DAZAP1: variants seen among roughly 807,000 people sequenced by gnomAD.
DAZAP1 encodes the protein DAZ associated protein 1, also known as DAZ-associated protein 1.
A neutral mutation model predicts 60.1 loss-of-function variants in DAZAP1; 6 were observed. The ratio of observed to expected loss-of-function variants is 0.10; its 90% CI spans 0.05 to 0.20. DAZAP1 has a LOEUF of 0.20. DAZAP1 is among the 10% of genes least tolerant of loss of function. The pLI is 1.00. For missense variants in DAZAP1, 366 were observed against 560.4 expected, an observed-to-expected ratio of 0.65 and a Z score of 3.50; for synonymous variants, 235 against 215.9, an observed-to-expected ratio of 1.09 and a Z score of -0.78.
At chr19:1,411,180 G>A (rs751307059) in intron 1 of DAZAP1, among the ~76,000 whole-genome samples, 59 of 152,236 alleles carry the variant, frequency 3.9e-4, no homozygotes, top group African/African-American at 1.2e-3. Context: ...TCATGGGGCC[G>A]TGCCGGCCTT....
intron 5 of DAZAP1, among the ~76,000 whole-genome samples, chr19:1,421,522 G>A (rs771952296): frequency 2.0e-5 from 3 of 152,280 alleles, no homozygotes; most frequent in Non-Finnish European, 4.4e-5. Flanking sequence ...CGATTCCATT[G>A]TGAACACCGT....
chr19:1,407,682 G>T lies in DAZAP1; in HGVS notation c.-92G>T, dbSNP rs1414454196. On this transcript the variant is annotated 5_prime_UTR_variant, in exon 1 of 12. Coordinates refer to ENST00000233078, the MANE Select transcript of DAZAP1 (RefSeq NM_018959.4). ...CCGCCGTTGCGCAGATCCGGGCCGCGGCTGTGGGGAGGGCGACGGAGCGGG... is the reference window on the plus strand; with the variant it reads ...CCGCCGTTGCGCAGATCCGGGCCGCTGCTGTGGGGAGGGCGACGGAGCGGG... The T allele has an allele frequency of 8.1e-6, 8 of 982,308 alleles. No homozygotes were observed. The highest frequency in any genetic ancestry group is 8.5e-6 in the Non-Finnish European group (7 of 821,558). The allele number at this position is 982,308 out of a possible 1,614,324, so 60.8% of individuals were successfully genotyped here.
chr19:1,411,813 A>C (rs1259950712), intron 1 of DAZAP1, among the ~76,000 whole-genome samples: 1 of 152,186 alleles, frequency 6.6e-6, no homozygotes, highest in African/African-American at 2.4e-5. Context: ...CCCGCCCCGC[A>C]CAGAGGGCGC....
rs1163310321 is a variant in DAZAP1 at position 1,429,114 on chromosome 19, G to T, written c.700+119G>T. On this transcript the variant is annotated intron_variant, in intron 8 of 11. Coordinates refer to ENST00000233078, the MANE Select transcript of DAZAP1 (RefSeq NM_018959.4). ...TCTGCTGTGCATGCACAGAGCCGCG[G>T]TTCACAGTGTCCTTGAGCCCCCGCG... 3 of 1,282,822 alleles carry T rather than the reference G, an allele frequency of 2.3e-6. No homozygotes were observed. In the African/African-American group the frequency reaches 4.6e-5, roughly 20 times the overall value. 79.5% of individuals were successfully genotyped at this position (1,282,822 alleles called of 1,614,324 possible). A position where few individuals can be genotyped will look rare whatever the true frequency, so the allele number is the denominator to read the frequency against.
At chr19:1,411,152 G>T (rs944726718) in intron 1 of DAZAP1, among the ~76,000 whole-genome samples, 1 of 152,236 alleles carries the variant, frequency 6.6e-6, no homozygotes, top group Non-Finnish European at 1.5e-5. Flanking sequence ...GTTGCAGTGC[G>T]GGGAGTGATA....
chr19:1,426,239 G>A lies in DAZAP1; in HGVS notation c.546+279G>A. 1 of 427,678 alleles carries A rather than the reference G, an allele frequency of 2.3e-6. No individual in the cohort carries two copies. The highest frequency in any genetic ancestry group is 4.7e-5 in the East Asian group (1 of 21,322). 26.5% of individuals were successfully genotyped at this position (427,678 alleles called of 1,614,324 possible). A position where few individuals can be genotyped will look rare whatever the true frequency, so the allele number is the denominator to read the frequency against. On this transcript the variant is annotated intron_variant, in intron 7 of 11. Transcript: ENST00000233078. This position sits in a 1 kb window ranked among gnomAD's most constrained non-coding sequence, Gnocchi z 5.4. ...GGTAGGGGGCTGGGGCTGGGAGGCT[G>A]TGGCGGTGTTGGGGCTGGCTCCAGT...
intron 8 of DAZAP1, 48 bp downstream of exon 8, chr19:1,429,043 T>C (rs1170169897): frequency 1.3e-6 from 2 of 1,525,890 alleles, no homozygotes; most frequent in African/African-American, 2.8e-5. Context: ...CTTCTCGGAC[T>C]TGGCCCGCGC....
In DAZAP1 at chr19:1,422,409, C is replaced by G. The variant is rs760525959; in HGVS notation, c.463+13C>G. 2 of 1,613,240 alleles carry G rather than the reference C, an allele frequency of 1.2e-6. No homozygotes were observed. Among genetic ancestry groups the G allele is most frequent in the South Asian group, 1.1e-5 (1 of 91,036 alleles). ...CAGAGGCCCCGAGGTAAGGGCAGAT[C>G]TAGTTTGACCTCGGCCTTCTCCCTG... is the stretch of plus-strand genomic sequence containing the variant. On this transcript the variant is annotated intron_variant, in intron 6 of 11. Coordinates refer to ENST00000233078, the MANE Select transcript of DAZAP1 (RefSeq NM_018959.4). This position sits in a 1 kb window ranked among gnomAD's most constrained non-coding sequence, Gnocchi z 4.5.
chr19:1,415,861 C>T (rs1012048423), intron 1 of DAZAP1: 2 of 152,188 alleles, frequency 1.3e-5, no homozygotes, highest in Non-Finnish European at 2.9e-5. Context: ...TTCTTCCCGC[C>T]TCAGCCCTCC....
At chr19:1,411,473 A>C (rs766501763) in intron 1 of DAZAP1, among the ~76,000 whole-genome samples, 28 of 152,150 alleles carry the variant, frequency 1.8e-4, no homozygotes, top group Non-Finnish European at 3.5e-4. Flanking sequence ...CTTGTGGTTT[A>C]TGGCTTGTCC....
chr19:1,434,686 A>G lies in DAZAP1; in HGVS notation c.1049-51A>G, dbSNP rs899253374. On this transcript the variant is annotated intron_variant, in intron 11 of 11. Transcript: ENST00000233078. The surrounding 1 kb of genome is among the most constrained non-coding windows in gnomAD (Gnocchi z 8.0). The stretch of plus-strand genomic sequence containing the variant: ...TGTCCAGGTGGCCTCGCTCGACGGC[A>G]GTGCCAACCGCCCAGGGACCGCCCC... The G allele has an allele frequency of 6.3e-6, 10 of 1,596,744 alleles. No homozygotes were observed. The highest frequency in any genetic ancestry group is 8.5e-6 in the Non-Finnish European group (10 of 1,170,802).
In DAZAP1 at chr19:1,416,860, C is replaced by T. The variant is rs963234157; in HGVS notation, c.30-640C>T. 1.3e-5 allele frequency: 2 copies of T among 152,638 alleles called. No individual in the cohort carries two copies. Among genetic ancestry groups the T allele is most frequent in the Admixed American group, 1.3e-4 (2 of 15,244 alleles). 9.5% of individuals were successfully genotyped at this position (152,638 alleles called of 1,614,324 possible). Reference sequence around the variant, plus strand: ...CCAGTGCTGAGACTGAATTTCAGGCCCTTCTCATCTGCCAATAAGAGACAG... The same window carrying T: ...CCAGTGCTGAGACTGAATTTCAGGCTCTTCTCATCTGCCAATAAGAGACAG... On this transcript the variant is annotated intron_variant, in intron 1 of 11. Coordinates refer to ENST00000233078, the MANE Select transcript of DAZAP1 (RefSeq NM_018959.4). This position sits in a 1 kb window ranked among gnomAD's most constrained non-coding sequence, Gnocchi z 4.3.
Position 1,426,811 on chromosome 19 carries a change from T to A in DAZAP1, c.546+851T>A, listed in dbSNP as rs1480769485. The A allele has an allele frequency of 1.3e-5, 2 of 152,216 alleles. No homozygotes were observed. The highest frequency in any genetic ancestry group is 6.5e-5 in the Admixed American group (1 of 15,278). 9.4% of individuals were successfully genotyped at this position (152,216 alleles called of 1,614,324 possible). A position where few individuals can be genotyped will look rare whatever the true frequency, so the allele number is the denominator to read the frequency against. ...GCTCTGCTGGCTCTGCCAGGCCGCC[T>A]CACATGCCCAGTGGGATTCTGACCC... On this transcript the variant is annotated intron_variant, in intron 7 of 11. Coordinates refer to ENST00000233078, the MANE Select transcript of DAZAP1 (RefSeq NM_018959.4). This position sits in a 1 kb window ranked among gnomAD's most constrained non-coding sequence, Gnocchi z 5.4.
intron 1 of DAZAP1, among the ~76,000 whole-genome samples, chr19:1,411,077 G>T (rs966791297): frequency 2.0e-5 from 3 of 152,228 alleles, no homozygotes; most frequent in Non-Finnish European, 4.4e-5. Context: ...CCTGTGCAGA[G>T]TGAGCACAAG....
chr19:1,413,684 C>T (rs1284996625), intron 1 of DAZAP1, among the ~76,000 whole-genome samples: 1 of 152,226 alleles, frequency 6.6e-6, no homozygotes, highest in African/African-American at 2.4e-5. Context: ...CGCCTGTCAT[C>T]CTAGCACTTT....
Position 1,421,811 on chromosome 19 carries a change from T to C in DAZAP1, c.415-537T>C, listed in dbSNP as rs118123853. On this transcript the variant is annotated intron_variant, in intron 5 of 11. Coordinates refer to ENST00000233078, the MANE Select transcript of DAZAP1 (RefSeq NM_018959.4). ...GCCCCGCCAGCAGGACAGCCCTGCG[T>C]GCCTGAGTACTGCGCACGTTCATCA... Among the ~76,000 whole-genome samples, 545 of 152,304 alleles carry C rather than the reference T, an allele frequency of 3.6e-3. 18 individuals are homozygous for C. In the East Asian group the frequency reaches 0.082, roughly 23 times the overall value.
chr19:1,431,189 C>T (rs192691115), intron 10 of DAZAP1, among the ~76,000 whole-genome samples: 7 of 151,566 alleles, frequency 4.6e-5, no homozygotes, highest in Admixed American at 2.6e-4. Flanking sequence ...AGTGCAGTGG[C>T]GCCATCTCGG....
intron 1 of DAZAP1, among the ~76,000 whole-genome samples, chr19:1,413,040 C>T (rs1285197926): frequency 5.9e-5 from 9 of 152,190 alleles, no homozygotes; most frequent in Admixed American, 2.6e-4. Flanking sequence ...TCCCACCCAG[C>T]GGGCCCCTCA....
Position 1,422,476 on chromosome 19 carries a change from C to A in DAZAP1, c.463+80C>A. On this transcript the variant is annotated intron_variant, in intron 6 of 11. Transcript: ENST00000233078. The surrounding 1 kb of genome is among the most constrained non-coding windows in gnomAD (Gnocchi z 4.5). ...CAAACTATCTCACCCGCCAGGCACA[C>A]ACAGGTGGCGGCTGTAGCAAACAGC... is the stretch of plus-strand genomic sequence containing the variant. 7.2e-7 allele frequency: 1 copy of A among 1,392,712 alleles called. No individual in the cohort carries two copies. The highest frequency in any genetic ancestry group is 2.3e-5 in the East Asian group (1 of 42,742). 86.3% of individuals were successfully genotyped at this position (1,392,712 alleles called of 1,614,324 possible).
Sources: gnomAD v4.1 joint callset for allele counts (sites outside exome capture counted in the v4.1 genomes callset) on GRCh38, gnomAD v4.1.1 for gene constraint, Gnocchi (gnomAD v3.1) non-coding constraint, MANE v1.5 for transcripts, NCBI Gene and HGNC (gene_info 2026-07-23, HGNC 2026-07-21) for gene names.